The following GUF1 variants were observed in gnomAD, a reference collection of about 807,000 sequenced individuals.
GUF1 encodes translation factor GUF1, mitochondrial.
Under a neutral mutation model 82.4 loss-of-function variants are expected in GUF1, and 78 were observed. The ratio of observed to expected loss-of-function variants is 0.95; its 90% CI spans 0.79 to 1.14. The LOEUF (loss-of-function observed/expected upper bound fraction) is 1.14. GUF1 is among the 50% of genes most tolerant of loss of function. GUF1 has a pLI of 0.00. For missense variants in GUF1, 814 were observed against 798.2 expected (o/e 1.02, Z -0.24); for synonymous variants, 279 against 282.3 (o/e 0.99, Z 0.12).
At chr4:44,690,168 A>G (rs1715344092) in intron 11 of GUF1, among the ~76,000 whole-genome samples, 193 bp downstream of exon 11, 1 of 151,890 alleles carries the variant, frequency 6.6e-6, no homozygotes, top group Non-Finnish European at 1.5e-5. Context: ...AACTTTTTTG[A>G]AAACTAATTT....
intron 13 of GUF1, among the ~76,000 whole-genome samples, chr4:44,693,125 C>T (rs1715550539): frequency 6.6e-6 from 1 of 151,888 alleles, no homozygotes; most frequent in African/African-American, 2.4e-5. Flanking sequence ...AACAGAAAGT[C>T]ATCATAGACT....
intron 16 of GUF1, 38 bp from the exon 17 acceptor site, chr4:44,698,506 A>C (rs778077317): frequency 2.2e-5 from 33 of 1,510,830 alleles, no homozygotes; most frequent in Non-Finnish European, 2.7e-5. Context: ...TTCTCTTTAG[A>C]GTGACTTAGA....
intron 6 of GUF1, among the ~76,000 whole-genome samples, chr4:44,683,859 C>T (rs560593416): frequency 6.6e-6 from 1 of 152,028 alleles, no homozygotes; most frequent in South Asian, 2.1e-4. Context: ...ACAGCCACAG[C>T]CAAACTGCTA....
In GUF1 at chr4:44,689,302, CCAATCTGAATATAA is replaced by C. The variant is rs1452101508; in HGVS notation, c.1105_1118del (p.Tyr369GlufsTer10). 8 of 1,603,704 alleles carry C rather than the reference CCAATCTGAATATAA, an allele frequency of 5.0e-6. No individual in the cohort carries two copies. Among genetic ancestry groups the C allele is most frequent in the African/African-American group, 2.7e-5 (2 of 74,092 alleles). ...TATCCCCAGGAATGTATCCTCTAGA[CCAATCTGAATATAA>C]CAATCTGAAGAGTGCTATAGAAAAA... On this transcript the variant is annotated frameshift_variant, in exon 10 of 17. Transcript: ENST00000281543. LOFTEE classifies it high-confidence loss of function.
At chr4:44,696,249 T>C (rs891332256) in intron 15 of GUF1, among the ~76,000 whole-genome samples, 2 of 152,132 alleles carry the variant, frequency 1.3e-5, no homozygotes, top group Non-Finnish European at 2.9e-5. Context: ...ATAGTAGATA[T>C]GGAAGACAGG....
chr4:44,688,071 G>A lies in GUF1; in HGVS notation c.1003G>A (p.Asp335Asn), dbSNP rs1214244490. The change falls in exon 9 of 17, where the codon GAT becomes AAT. Residue 335 changes from aspartate (D) to asparagine (N), a missense_variant. By Grantham distance (23) the Asp-to-Asn change is conservative. Coordinates refer to ENST00000281543, the MANE Select transcript of GUF1 (RefSeq NM_021927.3). Reference sequence around the variant, plus strand: ...AGATGTCACTGAAGCGCAAATAGGAGATACATTATGTTTACATAAGCAACC... The same window carrying A: ...AGATGTCACTGAAGCGCAAATAGGAAATACATTATGTTTACATAAGCAACC... ...MKDVTEAQIG[D>N]TLCLHKQPVE... 6.2e-7 allele frequency: 1 copy of A among 1,612,258 alleles called. No homozygotes were observed. Among genetic ancestry groups the A allele is most frequent in the Non-Finnish European group, 8.5e-7 (1 of 1,178,768 alleles).
chr4:44,689,554 C>A, intron 10 of GUF1, 145 bp downstream of exon 10: 2 of 995,776 alleles, frequency 2.0e-6, no homozygotes, highest in Non-Finnish European at 2.8e-6. Context: ...GGAACATTTA[C>A]TGAAAATAAG....
At chr4:44,692,984 AATAC>A (rs1715542580) in intron 13 of GUF1, among the ~76,000 whole-genome samples, 1 of 152,162 alleles carries the variant, frequency 6.6e-6, no homozygotes, top group Admixed American at 6.5e-5. Context: ...TGGAAACTTA[AATAC>A]ATTTTGAATT....
chr4:44,684,314 T>C (rs1323667246), intron 6 of GUF1, among the ~76,000 whole-genome samples: 2 of 152,098 alleles, frequency 1.3e-5, no homozygotes, highest in African/African-American at 4.8e-5. Context: ...GAGGAATGAA[T>C]AATTTTCAGA....
Position 44,688,165 on chromosome 4 carries a change from C to T in GUF1, c.1078+19C>T, listed in dbSNP as rs1560344581. ...TTTGCAGGTGAGGAGTTCACAAATT[C>T]AAAGGTTGAGGGCCATGATATTTTT... On this transcript the variant is annotated intron_variant, in intron 9 of 16. Transcript: ENST00000281543. The T allele has an allele frequency of 6.3e-7, 1 of 1,597,878 alleles. No individual in the cohort carries two copies.
chr4:44,694,810 G>GT (rs1316655827), intron 14 of GUF1, among the ~76,000 whole-genome samples: 3 of 149,482 alleles, frequency 2.0e-5, no homozygotes, highest in Admixed American at 6.8e-5. Flanking sequence ...TTTTTGTTTT[G>GT]TTTTGTTTTT....
chr4:44,683,249 T>C lies in GUF1; in HGVS notation c.600T>C (p.Asn200=). ...TTTTTTTAAAGATAGATCTGAAGAA[T>C]GCTGATCCTGAAAGGGTTGAAAACC... ...IPVINKIDLK[N]ADPERVENQI... Residue 200 remains asparagine (N), a synonymous_variant, in exon 6 of 17, where the codon AAT becomes AAC. Coordinates refer to ENST00000281543, the MANE Select transcript of GUF1 (RefSeq NM_021927.3). 2 of 1,576,530 alleles carry C rather than the reference T, an allele frequency of 1.3e-6. No individual in the cohort carries two copies. Among genetic ancestry groups the C allele is most frequent in the South Asian group, 1.2e-5 (1 of 85,388 alleles).
intron 15 of GUF1, among the ~76,000 whole-genome samples, 196 bp from the exon 16 acceptor site, chr4:44,697,208 ATTTG>A (rs1715882674): frequency 6.6e-6 from 1 of 152,034 alleles, no homozygotes; most frequent in Non-Finnish European, 1.5e-5. Context: ...TGTTGAATTT[ATTTG>A]TTCTTTTATA....
At chr4:44,693,019 T>A (rs1490242038) in intron 13 of GUF1, among the ~76,000 whole-genome samples, 1 of 152,056 alleles carries the variant, frequency 6.6e-6, no homozygotes, top group Non-Finnish European at 1.5e-5. Context: ...ACATGATTTA[T>A]TTTTGAACTA....
chr4:44,680,584 G>C, intron 2 of GUF1, 32 bp downstream of exon 2: 1 of 1,484,974 alleles, frequency 6.7e-7, no homozygotes, highest in Non-Finnish European at 9.2e-7. Context: ...CTTAACTGAT[G>C]GCTGCGAGTT....
intron 13 of GUF1, 71 bp downstream of exon 13, chr4:44,691,870 AT>A (rs983298240): frequency 9.8e-7 from 1 of 1,024,740 alleles, no homozygotes; most frequent in Non-Finnish European, 1.4e-6. Context: ...GGGTATACTA[AT>A]TCTTCATTTA....
At chr4:44,685,332 A>C (rs953773546) in intron 6 of GUF1, among the ~76,000 whole-genome samples, 1 of 152,066 alleles carries the variant, frequency 6.6e-6, no homozygotes, top group South Asian at 2.1e-4. Flanking sequence ...GCCTCCCAAA[A>C]CAAAGAATTA....
Position 44,680,453 on chromosome 4 carries a change from A to G in GUF1, c.178A>G (p.Met60Val). Reference sequence around the variant, plus strand: ...TTCCCCTTTCTAGGAAAAACTTGACATGTCTAGGTTTCCTGTTGAAAATAT... The same window carrying G: ...TTCCCCTTTCTAGGAAAAACTTGACGTGTCTAGGTTTCCTGTTGAAAATAT... ...SSAEFKEKLD[M>V]SRFPVENIRN... Residue 60 changes from methionine (M) to valine (V), a missense_variant, in exon 2 of 17, where the codon ATG (methionine) becomes GTG (valine). By Grantham distance (21) the Met-to-Val change is conservative. Transcript: ENST00000281543. The G allele has an allele frequency of 7.6e-6, 12 of 1,588,526 alleles. No individual in the cohort carries two copies. Among genetic ancestry groups the G allele is most frequent in the Non-Finnish European group, 1.0e-5 (12 of 1,161,634 alleles).
At chr4:44,679,644 G>A (rs1042018281) in intron 1 of GUF1, among the ~76,000 whole-genome samples, 25 of 152,154 alleles carry the variant, frequency 1.6e-4, no homozygotes, top group Admixed American at 1.3e-3. Flanking sequence ...CAGACTTTCA[G>A]CTATAATTGT....
Sources: gnomAD v4.1 joint callset for allele counts (sites outside exome capture counted in the v4.1 genomes callset) on GRCh38, gnomAD v4.1.1 for gene constraint, MANE v1.5 for transcripts, NCBI Gene and HGNC (gene_info 2026-07-23, HGNC 2026-07-21) for gene names.